The following ATXN1 variants were observed in gnomAD, a reference collection of about 807,000 sequenced individuals.
ATXN1 encodes ataxin 1.
A neutral mutation model predicts 56.4 loss-of-function variants in ATXN1; 8 were observed. That is an observed-to-expected ratio of 0.14 (90% confidence interval 0.08 to 0.26). The LOEUF (loss-of-function observed/expected upper bound fraction) is 0.26, where lower values mean the gene tolerates loss of function less well. Ranked by LOEUF, ATXN1 falls within the 10% of genes least tolerant of loss-of-function variation. The pLI is 1.00. For missense variants in ATXN1, 987 were observed against 1,106.5 expected, an observed-to-expected ratio of 0.89 and a Z score of 1.53; for synonymous variants, 514 against 494.6, an observed-to-expected ratio of 1.04 and a Z score of -0.52.
chr6:16,439,968 G>A lies in ATXN1; in HGVS notation c.-161+46004C>T, dbSNP rs563154120. Reference sequence around the variant, plus strand: ...TAGGCACCTGTAATCCCAGCTACTCGGGAGGCTGAGGCAGGAGAATCACTT... The same window carrying A: ...TAGGCACCTGTAATCCCAGCTACTCAGGAGGCTGAGGCAGGAGAATCACTT... On this transcript the variant is annotated intron_variant, in intron 6 of 7. Coordinates refer to ENST00000436367, the MANE Select transcript of ATXN1 (RefSeq NM_001128164.2). 2.4e-4 allele frequency among the ~76,000 whole-genome samples: 36 copies of A among 151,900 alleles called. No individual in the cohort carries two copies. The East Asian group carries it at 5.0e-3, about 21-fold the overall frequency.
chr6:16,522,391 C>A (rs538876030), intron 5 of ATXN1, among the ~76,000 whole-genome samples: 1 of 152,030 alleles, frequency 6.6e-6, no homozygotes, highest in Non-Finnish European at 1.5e-5. Flanking sequence ...TGACCTCGCA[C>A]GAGGCAAAGC....
At chr6:16,344,553 T>A (rs1323265543) in intron 6 of ATXN1, among the ~76,000 whole-genome samples, 1 of 152,222 alleles carries the variant, frequency 6.6e-6, no homozygotes, top group Non-Finnish European at 1.5e-5. Context: ...GGATGCTTCC[T>A]GCCCTCGAAC....
At chr6:16,661,873 T>A (rs1341506266) in intron 2 of ATXN1, among the ~76,000 whole-genome samples, 1 of 152,184 alleles carries the variant, frequency 6.6e-6, no homozygotes, top group African/African-American at 2.4e-5. Flanking sequence ...CAGCCCAGGT[T>A]AACAACTTGA....
At chr6:16,499,791 T>C (rs527991296) in intron 5 of ATXN1, among the ~76,000 whole-genome samples, 4 of 152,218 alleles carry the variant, frequency 2.6e-5, no homozygotes, top group Non-Finnish European at 5.9e-5. Flanking sequence ...GAATACAGTG[T>C]AGGTTGTAGA....
intron 3 of ATXN1, among the ~76,000 whole-genome samples, chr6:16,614,717 G>A (rs1763172578): frequency 6.6e-6 from 1 of 151,604 alleles, no homozygotes; most frequent in Non-Finnish European, 1.5e-5. Context: ...GAGGTCAGGA[G>A]TTTGAGACCA....
At position 16,753,040 on chromosome 6, in the gene ATXN1, G is replaced by C. The variant is rs146442502; in HGVS notation, c.-615+193C>G. ...ATGAACATATAGATTAAACCAAATA[G>C]ATAGATACTTTAATCGAAGTTTTAA... On this transcript the variant is annotated intron_variant, in intron 2 of 7. Coordinates refer to ENST00000436367, the MANE Select transcript of ATXN1 (RefSeq NM_001128164.2). 8.6e-6 allele frequency: 3 copies of C among 350,520 alleles called. No homozygotes were observed. The East Asian group carries it at 2.3e-4, about 26-fold the overall frequency. 21.7% of individuals were successfully genotyped at this position (350,520 alleles called of 1,614,324 possible).
chr6:16,697,604 C>T (rs759769600), intron 2 of ATXN1, among the ~76,000 whole-genome samples: 4 of 151,208 alleles, frequency 2.6e-5, no homozygotes, highest in Non-Finnish European at 5.9e-5. Context: ...GCCCCTCCCC[C>T]ACCCTCTTCA....
At chr6:16,488,924 AG>A (rs1760602731) in intron 5 of ATXN1, among the ~76,000 whole-genome samples, 2 of 152,140 alleles carry the variant, frequency 1.3e-5, no homozygotes. Context: ...CCTGAAGCCA[AG>A]GTGTCCAATA....
At chr6:16,456,447 C>T (rs896273913) in intron 6 of ATXN1, among the ~76,000 whole-genome samples, 5 of 152,188 alleles carry the variant, frequency 3.3e-5, no homozygotes, top group South Asian at 2.1e-4. Flanking sequence ...TAACAACCCC[C>T]GACTGTTTGG....
chr6:16,665,454 AG>A (rs1758405041), intron 2 of ATXN1, among the ~76,000 whole-genome samples: 1 of 149,960 alleles, frequency 6.7e-6, no homozygotes, highest in East Asian at 2.0e-4. Flanking sequence ...TACACATGGA[AG>A]AGAATGGGAA....
rs12171545 is a variant in ATXN1, at chr6:16,428,179, G to A, written c.-161+57793C>T. 5.2e-3 allele frequency among the ~76,000 whole-genome samples: 784 copies of A among 150,692 alleles called. 4 individuals are homozygous for A. Among genetic ancestry groups the A allele is most frequent in the African/African-American group, 0.018 (731 of 40,880 alleles). ...TGTCACCCAGGCTGGAGTGCAATGG[G>A]GCAATCTCGGCTCACTGCAACCTCT... On this transcript the variant is annotated intron_variant, in intron 6 of 7. Coordinates refer to ENST00000436367, the MANE Select transcript of ATXN1 (RefSeq NM_001128164.2).
At chr6:16,339,888 T>C (rs1401892344) in intron 6 of ATXN1, among the ~76,000 whole-genome samples, 1 of 152,178 alleles carries the variant, frequency 6.6e-6, no homozygotes, top group Non-Finnish European at 1.5e-5. Flanking sequence ...GTTCAAGCGA[T>C]TCTCCTGCCT....
chr6:16,312,079 A>G (rs1760406181), intron 7 of ATXN1, among the ~76,000 whole-genome samples: 1 of 152,210 alleles, frequency 6.6e-6, no homozygotes, highest in Non-Finnish European at 1.5e-5. Flanking sequence ...CAGGGCAGGC[A>G]ATATTTAATT....
At chr6:16,532,194 A>G (rs986835678) in intron 4 of ATXN1, among the ~76,000 whole-genome samples, 2 of 152,264 alleles carry the variant, frequency 1.3e-5, no homozygotes, top group Non-Finnish European at 2.9e-5. Context: ...CTGAAAAATT[A>G]TAAGATGGAC....
At chr6:16,395,834 G>A (rs920332590) in intron 6 of ATXN1, among the ~76,000 whole-genome samples, 14 of 151,834 alleles carry the variant, frequency 9.2e-5, no homozygotes, top group African/African-American at 3.4e-4. Context: ...TGGCCAACAT[G>A]GTGAAACCCA....
intron 4 of ATXN1, among the ~76,000 whole-genome samples, chr6:16,552,434 T>C (rs1236639107): frequency 2.0e-5 from 3 of 152,218 alleles, no homozygotes; most frequent in Non-Finnish European, 4.4e-5. Context: ...AGAAAAAATA[T>C]TGTGCACAAC....
chr6:16,652,719 C>G (rs1758092230), intron 3 of ATXN1: 2 of 152,342 alleles, frequency 1.3e-5, no homozygotes, highest in South Asian at 4.1e-4. Context: ...ATGGAAAGAA[C>G]TACGCAGAGG....
chr6:16,477,120 G>C (rs1760341461), intron 6 of ATXN1, among the ~76,000 whole-genome samples: 1 of 152,136 alleles, frequency 6.6e-6, no homozygotes, highest in Non-Finnish European at 1.5e-5. Flanking sequence ...CCATTTCCTT[G>C]CAAAGACCCA....
chr6:16,617,122 G>T (rs1335890122), intron 3 of ATXN1, among the ~76,000 whole-genome samples: 2 of 152,004 alleles, frequency 1.3e-5, no homozygotes, highest in Admixed American at 1.3e-4. Flanking sequence ...TGATCGGGGG[G>T]ACTACTGTAT....
Sources: gnomAD v4.1 joint callset for allele counts (sites outside exome capture counted in the v4.1 genomes callset) on GRCh38, gnomAD v4.1.1 for gene constraint, MANE v1.5 for transcripts, NCBI Gene and HGNC (gene_info 2026-07-23, HGNC 2026-07-21) for gene names.